The following ANAPC4 variants were observed in gnomAD, a reference collection of about 807,000 sequenced individuals.
The protein encoded by ANAPC4 is anaphase promoting complex subunit 4, also known as anaphase-promoting complex subunit 4.
In ANAPC4, 63 loss-of-function variants were observed where a neutral mutation model predicts 119.8. The ratio of observed to expected loss-of-function variants is 0.53; its 90% CI spans 0.43 to 0.65. The LOEUF (loss-of-function observed/expected upper bound fraction) is 0.65, where lower values mean the gene tolerates loss of function less well. Ranked by LOEUF, ANAPC4 falls within the 30% of genes least tolerant of loss-of-function variation. The pLI is 0.00. For missense variants in ANAPC4, 716 were observed against 945.1 expected (o/e 0.76, Z 3.18); for synonymous variants, 283 against 318.6 (o/e 0.89, Z 1.19).
At chr4:25,393,396 G>A (rs544993546) in intron 10 of ANAPC4, among the ~76,000 whole-genome samples, 19 of 152,158 alleles carry the variant, frequency 1.2e-4, no homozygotes, top group East Asian at 3.9e-4. Flanking sequence ...GCACAGTGGC[G>A]CACACCTATA....
chr4:25,389,521 A>G (rs1319600570), intron 7 of ANAPC4, among the ~76,000 whole-genome samples: 2 of 151,644 alleles, frequency 1.3e-5, no homozygotes, highest in East Asian at 3.9e-4. Flanking sequence ...TCAGACTCCC[A>G]ACCTCAGATG....
intron 4 of ANAPC4, among the ~76,000 whole-genome samples, chr4:25,386,669 G>A (rs978097569): frequency 6.6e-6 from 1 of 152,196 alleles, no homozygotes; most frequent in Non-Finnish European, 1.5e-5. Flanking sequence ...GAAGTACAAC[G>A]TGAGCACATG....
chr4:25,386,677 A>G (rs923963966), intron 4 of ANAPC4, among the ~76,000 whole-genome samples: 1 of 152,246 alleles, frequency 6.6e-6, no homozygotes, highest in African/African-American at 2.4e-5. Flanking sequence ...ACGTGAGCAC[A>G]TGGCTGCTGG....
At chr4:25,401,466 C>G (rs1043307999) in intron 16 of ANAPC4, among the ~76,000 whole-genome samples, 1 of 152,160 alleles carries the variant, frequency 6.6e-6, no homozygotes. Flanking sequence ...GAGGAAAGAA[C>G]GTATTGACCA....
intron 9 of ANAPC4, among the ~76,000 whole-genome samples, chr4:25,391,344 T>G (rs1478676812): frequency 6.6e-6 from 1 of 152,222 alleles, no homozygotes; most frequent in Non-Finnish European, 1.5e-5. Context: ...ATTGATTGTT[T>G]AATATGTGCC....
At chr4:25,407,155 G>A (rs368004785) in intron 19 of ANAPC4, 42 bp from the exon 20 acceptor site, 64 of 1,512,810 alleles carry the variant, frequency 4.2e-5, no homozygotes, top group Middle Eastern at 3.8e-4. Flanking sequence ...ATTTTTCTTC[G>A]TGAGTTGACT....
chr4:25,410,303 C>T (rs1723491938), intron 21 of ANAPC4, among the ~76,000 whole-genome samples: 1 of 152,160 alleles, frequency 6.6e-6, no homozygotes, highest in Non-Finnish European at 1.5e-5. Flanking sequence ...ATTAAATATG[C>T]CAGCACATCT....
At chr4:25,386,709 G>A (rs1460778700) in intron 4 of ANAPC4, among the ~76,000 whole-genome samples, 1 of 152,200 alleles carries the variant, frequency 6.6e-6, no homozygotes, top group African/African-American at 2.4e-5. Context: ...CAATAGACTT[G>A]CTTGGCTGAT....
At chr4:25,394,642 G>A (rs750499781) in intron 12 of ANAPC4, 29 bp from the exon 13 acceptor site, 3 of 1,571,096 alleles carry the variant, frequency 1.9e-6, no homozygotes, top group Non-Finnish European at 2.6e-6. Flanking sequence ...ATAGAGAAGT[G>A]ACTAAAAATA....
rs374851620 is a variant in ANAPC4 at position 25,394,616 on chromosome 4, T to C, written c.942-55T>C. ...TTCGAAATTTAAAAGTTGTAAGTGA[T>C]GCATTCAGATTTCCAATAGAGAAGT... On this transcript the variant is annotated intron_variant, in intron 12 of 28. Coordinates refer to ENST00000315368, the MANE Select transcript of ANAPC4 (RefSeq NM_013367.3). The C allele has an allele frequency of 3.6e-4, 539 of 1,503,410 alleles. 3 individuals carry two copies. In the East Asian group the frequency reaches 0.011, roughly 30 times the overall value. 93.1% of individuals were successfully genotyped at this position (1,503,410 alleles called of 1,614,324 possible).
intron 4 of ANAPC4, among the ~76,000 whole-genome samples, chr4:25,386,674 C>T (rs1722054296): frequency 6.6e-6 from 1 of 152,158 alleles, no homozygotes; most frequent in Non-Finnish European, 1.5e-5. Context: ...ACAACGTGAG[C>T]ACATGGCTGC....
intron 16 of ANAPC4, among the ~76,000 whole-genome samples, chr4:25,399,587 C>T (rs1303694259): frequency 1.3e-5 from 2 of 152,094 alleles, no homozygotes; most frequent in Non-Finnish European, 1.5e-5. Context: ...CAGCAGCACA[C>T]ACAGTGTCCG....
At chr4:25,389,162 T>TG (rs1401020959) in intron 7 of ANAPC4, among the ~76,000 whole-genome samples, 2 of 149,842 alleles carry the variant, frequency 1.3e-5, no homozygotes. Context: ...CCAGCTAATT[T>TG]TTTTTTTTTT....
intron 4 of ANAPC4, among the ~76,000 whole-genome samples, chr4:25,386,036 C>G (rs192579702): frequency 1.3e-5 from 2 of 152,042 alleles, no homozygotes; most frequent in African/African-American, 2.4e-5. Context: ...GCCTTAGCCT[C>G]GAGAGTAGCT....
chr4:25,392,435 G>T lies in ANAPC4; in HGVS notation c.789+14G>T, dbSNP rs1179105632. On this transcript the variant is annotated intron_variant, in intron 10 of 28. Coordinates refer to ENST00000315368, the MANE Select transcript of ANAPC4 (RefSeq NM_013367.3). ...GCTCTGTTACAGGTATTTATTTAGA[G>T]CTTGTTTTATGTGAATATTTATTAT... 1.9e-6 allele frequency: 3 copies of T among 1,584,748 alleles called. No homozygotes were observed. In the African/African-American group the frequency reaches 4.1e-5, roughly 21 times the overall value.
intron 18 of ANAPC4, 152 bp from the exon 19 acceptor site, chr4:25,406,677 C>T (rs1002966182): frequency 1.4e-5 from 9 of 623,056 alleles, no homozygotes; most frequent in Non-Finnish European, 2.2e-5. Flanking sequence ...TTTTCACAGT[C>T]GCATAATCTA....
At chr4:25,377,695 C>G in intron 2 of ANAPC4, 139 bp downstream of exon 2, 1 of 1,275,860 alleles carries the variant, frequency 7.8e-7, no homozygotes, top group Non-Finnish European at 1.1e-6. Flanking sequence ...TGGCCACCTG[C>G]TACCCCTTCC....
chr4:25,404,303 G>T (rs563814115), intron 17 of ANAPC4, among the ~76,000 whole-genome samples: 1 of 152,240 alleles, frequency 6.6e-6, no homozygotes, highest in East Asian at 1.9e-4. Flanking sequence ...TATCAGGCTG[G>T]CCTGTTTAAG....
chr4:25,396,616 A>G (rs765354806), intron 14 of ANAPC4, 48 bp from the exon 15 acceptor site: 1 of 1,341,524 alleles, frequency 7.5e-7, no homozygotes, highest in South Asian at 1.4e-5. Context: ...CAAGTTAGTC[A>G]CTTGATGATC....
Sources: gnomAD v4.1 joint callset for allele counts (sites outside exome capture counted in the v4.1 genomes callset) on GRCh38, gnomAD v4.1.1 for gene constraint, MANE v1.5 for transcripts, NCBI Gene and HGNC (gene_info 2026-07-23, HGNC 2026-07-21) for gene names.